Variants in KIF1A observed in about 807,000 individuals in gnomAD.
KIF1A encodes kinesin-like protein KIF1A.
KIF1A carries 46 observed loss-of-function variants against 227.3 expected under a neutral mutation model. That is an observed-to-expected ratio of 0.20 (90% CI 0.16 to 0.26). The LOEUF (loss-of-function observed/expected upper bound fraction) is 0.26, where lower values mean the gene tolerates loss of function less well. Ranked by LOEUF, KIF1A falls within the 10% of genes least tolerant of loss-of-function variation. The probability of loss-of-function intolerance (pLI) is 1.00; values close to 1 mark genes in which losing one functional copy is unlikely to be tolerated. For synonymous variants in KIF1A, 1,022 were observed against 1,012.8 expected (o/e 1.01, Z -0.17); for missense variants, 1,683 against 2,485.9 (o/e 0.68, Z 6.87).
Position 240,767,252 on chromosome 2 carries a change from A to G in KIF1A, c.1577+14T>C, listed in dbSNP as rs747729706. On this transcript the variant is annotated intron_variant, in intron 18 of 48. Transcript: ENST00000498729. ...GCCTGGCCAGGCTGGAGTGGCTGCC[A>G]GGTCCCCTCTCACCTGGTGATCCCA... The G allele has an allele frequency of 1.2e-6, 2 of 1,606,792 alleles. No homozygotes were observed. The highest frequency in any genetic ancestry group is 1.1e-5 in the South Asian group (1 of 90,686).
chr2:240,797,135 G>A (rs1291389127), intron 2 of KIF1A, among the ~76,000 whole-genome samples: 2 of 152,246 alleles, frequency 1.3e-5, no homozygotes, highest in Non-Finnish European at 2.9e-5. Flanking sequence ...ACTGAGAGAT[G>A]ACAATTGGTT....
intron 1 of KIF1A, among the ~76,000 whole-genome samples, chr2:240,802,811 G>T (rs2057081981): frequency 6.6e-6 from 1 of 152,084 alleles, no homozygotes; most frequent in African/African-American, 2.4e-5. Flanking sequence ...TTTTTATTTT[G>T]TAGGGATGGG....
At position 240,782,542 on chromosome 2, in the gene KIF1A, C is replaced by T. The variant is rs548488667; in HGVS notation, c.882+48G>A. ...CAGGGCGCCAATGCAGGGCAGACAC[C>T]GCCACCAGCCTCCCGCACCTGCCCC... On this transcript the variant is annotated intron_variant, in intron 10 of 48. Coordinates refer to ENST00000498729, the MANE Select transcript of KIF1A (RefSeq NM_001244008.2). 39 of 1,546,052 alleles carry T rather than the reference C, an allele frequency of 2.5e-5. No homozygotes were observed. In the South Asian group the frequency reaches 3.9e-4, roughly 16 times the overall value.
At chr2:240,770,445 C>A (rs1458824677) in intron 15 of KIF1A, among the ~76,000 whole-genome samples, 1 of 152,174 alleles carries the variant, frequency 6.6e-6, no homozygotes, top group Non-Finnish European at 1.5e-5. Context: ...GGGTATAATT[C>A]TATAGGACGC....
chr2:240,729,209 C>T (rs1308175299), intron 38 of KIF1A, among the ~76,000 whole-genome samples: 1 of 151,778 alleles, frequency 6.6e-6, no homozygotes, highest in Non-Finnish European at 1.5e-5. Context: ...CCTGTCTCTC[C>T]TGCTGGGCCC....
intron 28 of KIF1A, among the ~76,000 whole-genome samples, chr2:240,747,958 G>T (rs140071026): frequency 6.6e-6 from 1 of 152,234 alleles, no homozygotes; most frequent in African/African-American, 2.4e-5. Flanking sequence ...CGGGTCACGG[G>T]CAGGGCTGAT....
At chr2:240,746,942 A>G (rs1040071387) in intron 29 of KIF1A, among the ~76,000 whole-genome samples, 2 of 152,142 alleles carry the variant, frequency 1.3e-5, no homozygotes, top group African/African-American at 4.8e-5. Context: ...GGGTGGCTGC[A>G]CCTCAGTGTC....
chr2:240,751,008 G>T (rs1018277585), intron 27 of KIF1A, among the ~76,000 whole-genome samples: 3 of 152,128 alleles, frequency 2.0e-5, no homozygotes, highest in Non-Finnish European at 4.4e-5. Context: ...CCCTTCCCCA[G>T]ACAGAAACTC....
At chr2:240,747,444 C>A (rs946669728) in intron 28 of KIF1A, 123 bp from the exon 29 acceptor site, 4 of 673,936 alleles carry the variant, frequency 5.9e-6, no homozygotes, top group Non-Finnish European at 7.6e-6. Context: ...AGGCAGCAGA[C>A]CCCTGACCGA....
chr2:240,768,183 A>C (rs1335021608), intron 17 of KIF1A, among the ~76,000 whole-genome samples: 7 of 152,200 alleles, frequency 4.6e-5, no homozygotes, highest in Non-Finnish European at 8.8e-5. Context: ...CAGGGCAACC[A>C]ATAAAGCTGC....
In KIF1A at chr2:240,717,350, G is replaced by A. The variant is rs949782720; in HGVS notation, c.*14C>T. 2.0e-5 allele frequency: 32 copies of A among 1,610,108 alleles called. No individual in the cohort carries two copies. The highest frequency in any genetic ancestry group is 2.2e-5 in the Non-Finnish European group (26 of 1,178,594). On this transcript the variant is annotated 3_prime_UTR_variant, in exon 49 of 49. Transcript: ENST00000498729. ...ATGGGCTGGGCCTGCCGGCTGTCAC[G>A]GGAGGGCTCAGGTTCAGACCCGCAT...
intron 40 of KIF1A, chr2:240,724,755 T>C (rs1334042009): frequency 6.2e-6 from 1 of 161,976 alleles, no homozygotes; most frequent in Admixed American, 6.3e-5. Context: ...GTTCGGTGTG[T>C]GGCTCCCCAA....
chr2:240,812,989 C>T (rs2058048022), intron 1 of KIF1A, among the ~76,000 whole-genome samples: 1 of 151,968 alleles, frequency 6.6e-6, no homozygotes, highest in Non-Finnish European at 1.5e-5. Flanking sequence ...TCCGCCTTCA[C>T]CTCGGGGATC....
chr2:240,720,111 C>T (rs61561981), intron 45 of KIF1A, 185 bp from the exon 46 acceptor site: 339 of 505,424 alleles, frequency 6.7e-4, no homozygotes, highest in Middle Eastern at 2.7e-3. Flanking sequence ...AGCTTGTGCC[C>T]GATTCCAGGA....
At position 240,763,267 on chromosome 2, in the gene KIF1A, C is replaced by T. The variant is rs112191491; in HGVS notation, c.1848G>A (p.Thr616=). 3.6e-5 allele frequency: 58 copies of T among 1,611,302 alleles called. No homozygotes were observed. The African/African-American group carries it at 4.4e-4, about 12-fold the overall frequency. ...PEQARQERER[T]PCAETPAEPV... ...GCTCAGCTGGCGTCTCCGCACAAGG[C>T]GTGCGCTCACGCTCCTGCCGGGCCT... Residue 616 remains threonine (T), a synonymous_variant, in exon 21 of 49, where the codon ACG becomes ACA. Transcript: ENST00000498729.
chr2:240,747,937 C>G (rs2048793056), intron 28 of KIF1A, among the ~76,000 whole-genome samples: 1 of 152,268 alleles, frequency 6.6e-6, no homozygotes, highest in South Asian at 2.1e-4. Flanking sequence ...GAACAGCAAA[C>G]TGACCTCGCC....
At position 240,719,849 on chromosome 2, in the gene KIF1A, G is replaced by A; in HGVS notation, c.4946C>T (p.Ser1649Phe). The change falls in exon 46 of 49, where the codon TCC (serine) becomes TTC (phenylalanine). Residue 1649 changes from serine to phenylalanine, a missense_variant. Coordinates refer to ENST00000498729, the MANE Select transcript of KIF1A (RefSeq NM_001244008.2). ...GTCTGTCTCTGTTGCCCGGGCAGGGGAAGGGAGCTTCTTGGAGTCGGCCTC... is the reference window on the plus strand; with the variant it reads ...GTCTGTCTCTGTTGCCCGGGCAGGGAAAGGGAGCTTCTTGGAGTCGGCCTC... ...LPEADSKKLP[S>F]PARATETDKE... 1 of 1,612,152 alleles carries A rather than the reference G, an allele frequency of 6.2e-7. No homozygotes were observed. Among genetic ancestry groups the A allele is most frequent in the South Asian group, 1.1e-5 (1 of 90,998 alleles).
chr2:240,810,040 C>T (rs2057742080), intron 1 of KIF1A, among the ~76,000 whole-genome samples: 1 of 152,150 alleles, frequency 6.6e-6, no homozygotes, highest in Admixed American at 6.5e-5. Context: ...TCTCAAGCTC[C>T]TGGCCTCAAG....
At chr2:240,786,555 G>C in intron 5 of KIF1A, 42 bp from the exon 6 acceptor site, 2 of 1,589,366 alleles carry the variant, frequency 1.3e-6, no homozygotes, top group Non-Finnish European at 1.7e-6. Context: ...CTGAGGCGAG[G>C]GAGTGGGGCT....
Sources: gnomAD v4.1 joint callset for allele counts (sites outside exome capture counted in the v4.1 genomes callset) on GRCh38, gnomAD v4.1.1 for gene constraint, MANE v1.5 for transcripts, NCBI Gene and HGNC (gene_info 2026-07-23, HGNC 2026-07-21) for gene names.